The following GNB1L variants were observed in gnomAD, a reference collection of about 807,000 sequenced individuals.
GNB1L encodes the protein G protein subunit beta 1 like.
Under a neutral mutation model 29.1 loss-of-function variants are expected in GNB1L, and 20 were observed. The ratio of observed to expected loss-of-function variants is 0.69; its 90% CI spans 0.48 to 1.00. The LOEUF (loss-of-function observed/expected upper bound fraction) is 1.00. Ranked by LOEUF, GNB1L falls within the 50% of genes least tolerant of loss-of-function variation. The pLI, the probability that GNB1L is intolerant of heterozygous loss-of-function variation, is 0.00. For synonymous variants in GNB1L, 193 were observed against 206.5 expected, an observed-to-expected ratio of 0.93 and a Z score of 0.56; for missense variants, 421 against 464.9, an observed-to-expected ratio of 0.91 and a Z score of 0.87.
intron 7 of GNB1L, among the ~76,000 whole-genome samples, chr22:19,792,067 C>G (rs562026860): frequency 6.6e-6 from 1 of 152,338 alleles, no homozygotes; most frequent in Non-Finnish European, 1.5e-5. Context: ...AGCAAAATAA[C>G]AGAACCCAGA....
intron 2 of GNB1L, among the ~76,000 whole-genome samples, chr22:19,837,202 G>A (rs1020324040): frequency 1.2e-4 from 18 of 151,754 alleles, no homozygotes; most frequent in African/African-American, 4.4e-4. Context: ...TCCTGACCTC[G>A]TGATCCACCC....
At chr22:19,831,128 T>C (rs1937673192) in intron 2 of GNB1L, among the ~76,000 whole-genome samples, 1 of 152,080 alleles carries the variant, frequency 6.6e-6, no homozygotes, top group Non-Finnish European at 1.5e-5. Flanking sequence ...TCCCAGCACT[T>C]TGGGAGGCCG....
At chr22:19,792,719 C>T (rs934097028) in intron 7 of GNB1L, 13 of 1,497,400 alleles carry the variant, frequency 8.7e-6, no homozygotes, top group African/African-American at 4.1e-5. Context: ...GAGTTAACAT[C>T]GTCACCACCT....
chr22:19,784,531 G>A lies in GNB1L; in HGVS notation c.*4178C>T, dbSNP rs1937174204. On this transcript the variant is annotated 3_prime_UTR_variant, in exon 8 of 8. Transcript: ENST00000329517. ...GAAAAGGCTCTAGGCACAGCTGCTT[G>A]TCTAAGAGGGACCCTGTTGGCGGCG... is the stretch of plus-strand genomic sequence containing the variant. 1 of 152,398 alleles carries A rather than the reference G, an allele frequency of 6.6e-6. No individual in the cohort carries two copies. Among genetic ancestry groups the A allele is most frequent in the South Asian group, 2.1e-4 (1 of 4,836 alleles). The allele number at this position is 152,398 out of a possible 1,614,324, so 9.4% of individuals were successfully genotyped here. A position where few individuals can be genotyped will look rare whatever the true frequency, so the allele number is the denominator to read the frequency against.
chr22:19,842,537 C>T (rs976891143), intron 2 of GNB1L, among the ~76,000 whole-genome samples: 6 of 152,206 alleles, frequency 3.9e-5, no homozygotes, highest in Non-Finnish European at 5.9e-5. Context: ...GCCCAGGCCC[C>T]CAAGAGGTGG....
intron 6 of GNB1L, among the ~76,000 whole-genome samples, chr22:19,803,385 C>A (rs558910055): frequency 3.9e-5 from 6 of 152,326 alleles, no homozygotes; most frequent in African/African-American, 1.4e-4. Flanking sequence ...GGCACCTCCT[C>A]CCAGGCCTCA....
intron 2 of GNB1L, chr22:19,852,099 T>C: frequency 6.2e-7 from 1 of 1,614,212 alleles, no homozygotes; most frequent in Non-Finnish European, 8.5e-7. Flanking sequence ...ACACACACGG[T>C]GTCCCCACAG....
In GNB1L at chr22:19,788,527, C is replaced by T. The variant is rs1024269699; in HGVS notation, c.*182G>A. On this transcript the variant is annotated 3_prime_UTR_variant, in exon 8 of 8. Transcript: ENST00000329517. ...GGCTCTGGCTGGCCCCCAGAGTCACCGTCCTGTGATGAGGCACTCCACAAA... is the reference window on the plus strand; with the variant it reads ...GGCTCTGGCTGGCCCCCAGAGTCACTGTCCTGTGATGAGGCACTCCACAAA... 12 of 820,422 alleles carry T rather than the reference C, an allele frequency of 1.5e-5. No individual in the cohort carries two copies. The highest frequency in any genetic ancestry group is 1.0e-4 in the African/African-American group (6 of 59,702). The allele number at this position is 820,422 out of a possible 1,614,324, so 50.8% of individuals were successfully genotyped here.
intron 2 of GNB1L, among the ~76,000 whole-genome samples, chr22:19,841,021 G>C (rs538560627): frequency 1.3e-5 from 2 of 152,346 alleles, no homozygotes; most frequent in African/African-American, 4.8e-5. Context: ...GTCCTGGCCA[G>C]AGGAGCCTGG....
At chr22:19,789,501 G>A (rs1381766228) in intron 7 of GNB1L, among the ~76,000 whole-genome samples, 1 of 151,326 alleles carries the variant, frequency 6.6e-6, no homozygotes, top group Non-Finnish European at 1.5e-5. Context: ...TGGGGGGTTG[G>A]CAGGATGAGG....
intron 2 of GNB1L, among the ~76,000 whole-genome samples, chr22:19,833,817 T>C (rs1937719960): frequency 6.6e-6 from 1 of 151,642 alleles, no homozygotes; most frequent in Admixed American, 6.6e-5. Context: ...CGTGAGCCGA[T>C]ATCATACCAC....
chr22:19,852,171 C>A, intron 2 of GNB1L: 1 of 1,614,022 alleles, frequency 6.2e-7, no homozygotes, highest in Non-Finnish European at 8.5e-7. Context: ...GACGCCTTGT[C>A]CATCTGCTGC....
At chr22:19,825,108 A>ACAT (rs1348907523) in intron 2 of GNB1L, among the ~76,000 whole-genome samples, 5 of 152,194 alleles carry the variant, frequency 3.3e-5, no homozygotes, top group Non-Finnish European at 5.9e-5. Context: ...GGCATGTGAC[A>ACAT]GCACAAGGAC....
In GNB1L at chr22:19,851,331, C is replaced by G. The variant is rs1277576235; in HGVS notation, c.-21+3112G>C. The G allele has an allele frequency of 1.9e-6, 3 of 1,614,130 alleles. No individual in the cohort carries two copies. The Admixed American group carries it at 5.0e-5, about 27-fold the overall frequency. On this transcript the variant is annotated intron_variant, in intron 2 of 7. Coordinates refer to ENST00000329517, the MANE Select transcript of GNB1L (RefSeq NM_053004.3). The stretch of plus-strand genomic sequence containing the variant: ...GGATGAGCTGGGTCTGGTCTCTGGG[C>G]AGGAGGATTAGCTGACTCCGACAGT...
At position 19,815,455 on chromosome 22, in the gene GNB1L, G is replaced by A. The variant is rs79833290; in HGVS notation, c.255-3008C>T. On this transcript the variant is annotated intron_variant, in intron 4 of 7. Coordinates refer to ENST00000329517, the MANE Select transcript of GNB1L (RefSeq NM_053004.3). Reference sequence around the variant, plus strand: ...TGACACTGCAGGGAGGCCGAGATGGGGGTGTCCTCAGCATGGGGAGGGGCC... The same window carrying A: ...TGACACTGCAGGGAGGCCGAGATGGAGGTGTCCTCAGCATGGGGAGGGGCC... 7.7e-3 allele frequency among the ~76,000 whole-genome samples: 1,171 copies of A among 152,334 alleles called. 23 individuals carry two copies. In the South Asian group the frequency reaches 0.086, roughly 11 times the overall value.
rs1253089882 is a variant in GNB1L, at chr22:19,784,241, G to A, written c.*4468C>T. 6.6e-6 allele frequency: 1 copy of A among 152,246 alleles called. No individual in the cohort carries two copies. The highest frequency in any genetic ancestry group is 1.5e-5 in the Non-Finnish European group (1 of 68,064). 9.4% of individuals were successfully genotyped at this position (152,246 alleles called of 1,614,324 possible). Reference sequence around the variant, plus strand: ...TGGCTTCTTGGCAGAGACACAGGTGGGAAACACCTGATTGAACATCATTGC... The same window carrying A: ...TGGCTTCTTGGCAGAGACACAGGTGAGAAACACCTGATTGAACATCATTGC... On this transcript the variant is annotated 3_prime_UTR_variant, in exon 8 of 8. Transcript: ENST00000329517.
intron 2 of GNB1L, chr22:19,848,386 CA>C (rs1938016072): frequency 2.0e-6 from 2 of 985,464 alleles, no homozygotes; most frequent in Non-Finnish European, 2.4e-6. Flanking sequence ...AAAAACAACC[CA>C]GGGGGAATGC....
At chr22:19,792,720 G>A (rs1049698175) in intron 7 of GNB1L, 98 of 1,502,792 alleles carry the variant, frequency 6.5e-5, no homozygotes, top group Admixed American at 3.4e-4. Flanking sequence ...AGTTAACATC[G>A]TCACCACCTT....
chr22:19,834,548 T>A (rs916336685), intron 2 of GNB1L, among the ~76,000 whole-genome samples: 3 of 152,216 alleles, frequency 2.0e-5, no homozygotes, highest in Admixed American at 6.5e-5. Context: ...ATGGCAGTTA[T>A]AACATAATGG....
Sources: allele counts gnomAD v4.1 joint callset (sites outside exome capture counted in the v4.1 genomes callset), GRCh38; gene constraint gnomAD v4.1.1; transcripts MANE v1.5; gene names NCBI Gene and HGNC (gene_info 2026-07-23, HGNC 2026-07-21).